Variants in DCAF1 observed in about 807,000 individuals in gnomAD.
The protein encoded by DCAF1 is DDB1 and CUL4 associated factor 1.
In DCAF1, 15 loss-of-function variants were observed where a neutral mutation model predicts 128.0. The observed-to-expected ratio is 0.12, with a 90% CI of 0.08 to 0.18. DCAF1 has a LOEUF of 0.18. DCAF1 is among the 10% of genes least tolerant of loss of function. The pLI, the probability that DCAF1 is intolerant of heterozygous loss-of-function variation, is 1.00. For synonymous variants in DCAF1, 610 were observed against 603.0 expected (o/e 1.01, Z -0.17); for missense variants, 988 against 1,649.5 (o/e 0.60, Z 6.95).
At chr3:51,425,373 G>A (rs990363646) in intron 13 of DCAF1, among the ~76,000 whole-genome samples, 2 of 151,914 alleles carry the variant, frequency 1.3e-5, no homozygotes, top group Non-Finnish European at 2.9e-5. Flanking sequence ...TTCAGAGACT[G>A]AGGCACAAGA....
At chr3:51,483,635 G>GTA in intron 3 of DCAF1, 84 bp downstream of exon 3, 1 of 854,338 alleles carries the variant, frequency 1.2e-6, no homozygotes. Flanking sequence ...GTGTGTGTGT[G>GTA]TGTGTGTGTG....
At chr3:51,496,289 T>C (rs1708228207) in intron 2 of DCAF1, among the ~76,000 whole-genome samples, 1 of 151,860 alleles carries the variant, frequency 6.6e-6, no homozygotes, top group South Asian at 2.1e-4. Flanking sequence ...TAGCCAGGCA[T>C]GGTGGCACAC....
intron 3 of DCAF1, among the ~76,000 whole-genome samples, chr3:51,472,232 A>G (rs115191094): frequency 0.01 from 1,587 of 152,200 alleles, 40 homozygotes; most frequent in African/African-American, 0.035. Flanking sequence ...TTCTTCAAAG[A>G]GCCCAATTTC....
chr3:51,490,008 A>G (rs1030058930), intron 2 of DCAF1, among the ~76,000 whole-genome samples: 36 of 152,326 alleles, frequency 2.4e-4, no homozygotes, highest in East Asian at 3.9e-4. Flanking sequence ...AACACACAAA[A>G]ATCAGTTGTA....
At chr3:51,421,717 C>T (rs569132939) in intron 14 of DCAF1, among the ~76,000 whole-genome samples, 36 of 152,160 alleles carry the variant, frequency 2.4e-4, no homozygotes, top group African/African-American at 8.0e-4. Context: ...TCCCATCACA[C>T]GACTTCCCAT....
downstream of DCAF1, chr3:51,397,696 T>A (rs1021654391): frequency 1.8e-5 from 3 of 167,072 alleles, no homozygotes; most frequent in South Asian, 4.1e-4. Context: ...ACTGTGAGTA[T>A]AAGCTACTTT....
chr3:51,478,352 C>A (rs1705735433), intron 3 of DCAF1, among the ~76,000 whole-genome samples: 2 of 152,038 alleles, frequency 1.3e-5, no homozygotes, highest in African/African-American at 4.8e-5. Context: ...TTGAGGACAG[C>A]CCCCCTCTAT....
chr3:51,408,752 C>T (rs1485762802), intron 23 of DCAF1, among the ~76,000 whole-genome samples: 1 of 152,186 alleles, frequency 6.6e-6, no homozygotes, highest in Non-Finnish European at 1.5e-5. Flanking sequence ...CTAAATCAAA[C>T]ATCTCTAAAT....
At chr3:51,409,075 C>T (rs1553627604) in intron 23 of DCAF1, among the ~76,000 whole-genome samples, 1 of 152,200 alleles carries the variant, frequency 6.6e-6, no homozygotes, top group Admixed American at 6.5e-5. Context: ...TCTTGCTTTC[C>T]TTCCTGCATC....
At chr3:51,473,504 A>AAC (rs1221029709) in intron 3 of DCAF1, among the ~76,000 whole-genome samples, 1 of 149,074 alleles carries the variant, frequency 6.7e-6, no homozygotes, top group Non-Finnish European at 1.5e-5. Context: ...AAAAAAAACA[A>AAC]AAAACAAAAC....
chr3:51,404,116 T>C (rs1553625888), intron 23 of DCAF1, among the ~76,000 whole-genome samples: 1 of 152,256 alleles, frequency 6.6e-6, no homozygotes, highest in Non-Finnish European at 1.5e-5. Flanking sequence ...TGGTACATTC[T>C]GGCATCTGCC....
At chr3:51,432,442 TGA>T (rs1317930993) in intron 10 of DCAF1, among the ~76,000 whole-genome samples, 2 of 150,750 alleles carry the variant, frequency 1.3e-5, no homozygotes, top group Non-Finnish European at 3.0e-5. Context: ...AATGAATCAG[TGA>T]GAGACTAGGT....
chr3:51,478,873 G>GT (rs1161550920), intron 3 of DCAF1, among the ~76,000 whole-genome samples: 3 of 151,920 alleles, frequency 2.0e-5, no homozygotes, highest in Non-Finnish European at 4.4e-5. Flanking sequence ...AAAAAAACTG[G>GT]TATTTTCACA....
rs532129644 is a variant in DCAF1 at position 51,450,952 on chromosome 3, C to T, written c.376-7049G>A. Among the ~76,000 whole-genome samples, 5 of 150,286 alleles carry T rather than the reference C, an allele frequency of 3.3e-5. No homozygotes were observed. In the East Asian group the frequency reaches 7.9e-4, roughly 24 times the overall value. ...TGTGTAAAACCCTAAAGACTCCATACACAAAAAAACCTGTCAGTGAAGTAA... is the reference window on the plus strand; with the variant it reads ...TGTGTAAAACCCTAAAGACTCCATATACAAAAAAACCTGTCAGTGAAGTAA... On this transcript the variant is annotated intron_variant, in intron 6 of 24. Coordinates refer to ENST00000684031, the MANE Select transcript of DCAF1 (RefSeq NM_001387579.1).
chr3:51,456,525 C>G (rs1553642866), intron 6 of DCAF1, among the ~76,000 whole-genome samples: 1 of 152,186 alleles, frequency 6.6e-6, no homozygotes. Flanking sequence ...GTAACCTCTG[C>G]AGACTTAAAT....
At chr3:51,431,798 A>G (rs35971989) in intron 10 of DCAF1, among the ~76,000 whole-genome samples, 16,376 of 143,712 alleles carry the variant, frequency 0.11, 1,147 homozygotes, top group Middle Eastern at 0.19. Flanking sequence ...CAAAAAGTAC[A>G]AAAAAAAAAA....
chr3:51,497,820 A>C (rs1017853860), intron 1 of DCAF1, among the ~76,000 whole-genome samples: 1 of 151,886 alleles, frequency 6.6e-6, no homozygotes, highest in Non-Finnish European at 1.5e-5. Flanking sequence ...GAGTTGTTGG[A>C]GGCTGCAATG....
intron 21 of DCAF1, 31 bp from the exon 22 acceptor site, chr3:51,413,097 T>C (rs781969545): frequency 5.0e-6 from 8 of 1,613,086 alleles, no homozygotes; most frequent in Middle Eastern, 1.6e-4. Flanking sequence ...AGATTGGGAT[T>C]GGACTATTGC....
intron 6 of DCAF1, among the ~76,000 whole-genome samples, chr3:51,458,155 T>C (rs183342677): frequency 0.012 from 1,778 of 152,164 alleles, 15 homozygotes; most frequent in Non-Finnish European, 0.015. Flanking sequence ...CAGTGTGCTG[T>C]ATTCAGGAAA....
Sources: gnomAD v4.1 joint callset for allele counts (sites outside exome capture counted in the v4.1 genomes callset) on GRCh38, gnomAD v4.1.1 for gene constraint, MANE v1.5 for transcripts, NCBI Gene and HGNC (gene_info 2026-07-23, HGNC 2026-07-21) for gene names.